MAGI1: variants seen among roughly 807,000 people sequenced by gnomAD.
The protein encoded by MAGI1 is membrane associated guanylate kinase, WW and PDZ domain containing 1.
In MAGI1, 58 loss-of-function variants were observed where a neutral mutation model predicts 139.9. The observed-to-expected ratio is 0.41, with a 90% CI of 0.34 to 0.52. MAGI1 has a LOEUF of 0.52. MAGI1 is among the 20% of genes least tolerant of loss of function. The pLI is 0.12. For missense variants in MAGI1, 1,874 were observed against 1,901.6 expected, an observed-to-expected ratio of 0.99 and a Z score of 0.27; for synonymous variants, 812 against 737.9, an observed-to-expected ratio of 1.10 and a Z score of -1.63.
At chr3:65,463,696 G>C (rs1057084946) in intron 5 of MAGI1, among the ~76,000 whole-genome samples, 1 of 152,010 alleles carries the variant, frequency 6.6e-6, no homozygotes, top group East Asian at 1.9e-4. Flanking sequence ...GTTTCAGAAA[G>C]AATGGTACCA....
intron 1 of MAGI1, among the ~76,000 whole-genome samples, chr3:65,835,050 T>C (rs998394335): frequency 1.3e-5 from 2 of 152,220 alleles, no homozygotes; most frequent in African/African-American, 4.8e-5. Flanking sequence ...CTCTTGTCTT[T>C]CGACTGATGT....
At chr3:65,497,682 C>G (rs539767033) in intron 2 of MAGI1, among the ~76,000 whole-genome samples, 1 of 152,192 alleles carries the variant, frequency 6.6e-6, no homozygotes, top group East Asian at 1.9e-4. Flanking sequence ...CCATCTTTGC[C>G]ATTCTTTCAA....
At chr3:65,648,315 G>GTGTGTA (rs1006103262) in intron 1 of MAGI1, among the ~76,000 whole-genome samples, 3 of 150,566 alleles carry the variant, frequency 2.0e-5, no homozygotes, top group African/African-American at 7.5e-5. Context: ...GTGTGTGTGT[G>GTGTGTA]TGCGCGTGCG....
intron 14 of MAGI1, among the ~76,000 whole-genome samples, chr3:65,386,389 A>T (rs530881050): frequency 1.8e-4 from 27 of 152,348 alleles, no homozygotes; most frequent in African/African-American, 6.3e-4. Flanking sequence ...AAACACAGAC[A>T]TAAACGTCGA....
chr3:66,017,701 TGAGTA>T (rs1006078542), intron 1 of MAGI1, among the ~76,000 whole-genome samples: 1 of 152,178 alleles, frequency 6.6e-6, no homozygotes, highest in Non-Finnish European at 1.5e-5. Flanking sequence ...GTGCAAAGCC[TGAGTA>T]GAGAGGCACT....
At chr3:65,644,669 A>C (rs902163960) in intron 1 of MAGI1, among the ~76,000 whole-genome samples, 1 of 152,192 alleles carries the variant, frequency 6.6e-6, no homozygotes, top group Non-Finnish European at 1.5e-5. Context: ...TGGAGGAGAC[A>C]GTAGAAAAAC....
chr3:65,891,889 T>C (rs1325913868), intron 1 of MAGI1, among the ~76,000 whole-genome samples: 1 of 664 alleles, frequency 1.5e-3, no homozygotes, highest in African/African-American at 4.7e-3. Context: ...AAGTATAATA[T>C]ATATATATAT....
intron 1 of MAGI1, among the ~76,000 whole-genome samples, chr3:65,763,198 T>G (rs2037178066): frequency 6.6e-6 from 1 of 152,208 alleles, no homozygotes; most frequent in Non-Finnish European, 1.5e-5. Context: ...AAGAGAGTTC[T>G]GTATAAACAG....
chr3:65,855,734 A>C (rs73138907), intron 1 of MAGI1, among the ~76,000 whole-genome samples: 30,137 of 150,738 alleles, frequency 0.2, 3,720 homozygotes, highest in Middle Eastern at 0.3. Context: ...TAGCACATGT[A>C]GATTTGTAAG....
rs903473927 is a variant in MAGI1, at chr3:65,986,725, T to C, written c.313+51271A>G. On this transcript the variant is annotated intron_variant, in intron 1 of 22. Transcript: ENST00000402939. ...CTTTTTGCGTAAATATTCTTTAAGA[T>C]AGGTGTCACATTATTTATGTTTAGC... Among the ~76,000 whole-genome samples, 15 of 152,206 alleles carry C rather than the reference T, an allele frequency of 9.9e-5. No individual in the cohort carries two copies. In the East Asian group the frequency reaches 1.3e-3, roughly 14 times the overall value.
At chr3:65,678,785 G>C (rs147331333) in intron 1 of MAGI1, among the ~76,000 whole-genome samples, 1 of 152,128 alleles carries the variant, frequency 6.6e-6, no homozygotes, top group Non-Finnish European at 1.5e-5. Context: ...GTCATTTGGC[G>C]TGACATCTCT....
intron 13 of MAGI1, among the ~76,000 whole-genome samples, chr3:65,393,728 T>TGGAATTCTGACCCTGG (rs1944132570): frequency 6.6e-6 from 1 of 152,158 alleles, no homozygotes; most frequent in African/African-American, 2.4e-5. Flanking sequence ...GGTCGGCCTA[T>TGGAATTCTGACCCTGG]AAGCACTAAA....
chr3:65,541,630 A>G (rs1170857144), intron 2 of MAGI1, among the ~76,000 whole-genome samples: 2 of 152,214 alleles, frequency 1.3e-5, no homozygotes, highest in African/African-American at 4.8e-5. Context: ...GCAAATCAAT[A>G]AACGTAATCT....
chr3:65,835,045 G>A (rs901332146), intron 1 of MAGI1, among the ~76,000 whole-genome samples: 1 of 152,110 alleles, frequency 6.6e-6, no homozygotes, highest in Non-Finnish European at 1.5e-5. Flanking sequence ...CCAATCTCTT[G>A]TCTTTCGACT....
chr3:65,841,825 C>T (rs898729747), intron 1 of MAGI1, among the ~76,000 whole-genome samples: 2 of 152,140 alleles, frequency 1.3e-5, no homozygotes, highest in African/African-American at 4.8e-5. Flanking sequence ...ACTGTATATT[C>T]ACATTCCTTA....
At chr3:66,002,168 A>G (rs566143001) in intron 1 of MAGI1, among the ~76,000 whole-genome samples, 1 of 152,238 alleles carries the variant, frequency 6.6e-6, no homozygotes, top group Non-Finnish European at 1.5e-5. Context: ...TTCAATATTT[A>G]GCTTAGAAAT....
intron 1 of MAGI1, among the ~76,000 whole-genome samples, chr3:65,996,374 A>T (rs948195971): frequency 6.6e-6 from 1 of 151,620 alleles, no homozygotes; most frequent in Non-Finnish European, 1.5e-5. Flanking sequence ...GCAACACTTC[A>T]TTTTTTTTTA....
intron 1 of MAGI1, among the ~76,000 whole-genome samples, chr3:65,684,612 G>A (rs2087861840): frequency 6.6e-6 from 1 of 152,020 alleles, no homozygotes. Flanking sequence ...ACCTACATGG[G>A]TGAAAAAATT....
intron 18 of MAGI1, among the ~76,000 whole-genome samples, chr3:65,373,299 G>A (rs1942181212): frequency 6.6e-6 from 1 of 152,196 alleles, no homozygotes; most frequent in South Asian, 2.1e-4. Flanking sequence ...GGAATGGCCA[G>A]TCAGTGGAGC....
Sources: gnomAD v4.1 joint callset for allele counts (sites outside exome capture counted in the v4.1 genomes callset) on GRCh38, gnomAD v4.1.1 for gene constraint, MANE v1.5 for transcripts, NCBI Gene and HGNC (gene_info 2026-07-23, HGNC 2026-07-21) for gene names.